Variants in KIAA1614 observed in about 807,000 individuals in gnomAD.
KIAA1614 encodes the protein KIAA1614.
A neutral mutation model predicts 88.7 loss-of-function variants in KIAA1614; 76 were observed. That is an observed-to-expected ratio of 0.86 (90% confidence interval 0.71 to 1.04). KIAA1614 has a LOEUF of 1.04. KIAA1614 is among the 50% of genes least tolerant of loss of function. The pLI is 0.00. For synonymous variants in KIAA1614, 714 were observed against 675.5 expected, an observed-to-expected ratio of 1.06 and a Z score of -0.88; for missense variants, 1,553 against 1,582.5, an observed-to-expected ratio of 0.98 and a Z score of 0.32.
chr1:180,950,524 C>T lies in KIAA1614; in HGVS notation c.*4936C>T. ...TCCGTGTCCTGAGGCAGAGACCTGT[C>T]CCACGGTGACCCAGAAGTGCCGCTG... On this transcript the variant is annotated 3_prime_UTR_variant, in exon 9 of 9. Coordinates refer to ENST00000367588, the MANE Select transcript of KIAA1614 (RefSeq NM_020950.2). 2 of 1,106,614 alleles carry T rather than the reference C, an allele frequency of 1.8e-6. No homozygotes were observed. Among genetic ancestry groups the T allele is most frequent in the Non-Finnish European group, 2.2e-6 (2 of 896,284 alleles). 68.5% of individuals were successfully genotyped at this position (1,106,614 alleles called of 1,614,324 possible).
At chr1:180,931,554 C>T (rs564401704) in intron 4 of KIAA1614, among the ~76,000 whole-genome samples, 53 of 152,380 alleles carry the variant, frequency 3.5e-4, no homozygotes, top group African/African-American at 1.2e-3. Context: ...CCAAAATCTT[C>T]ATCCTGCCTT....
At position 180,928,402 on chromosome 1, in the gene KIAA1614, C is replaced by G. The variant is rs746401824; in HGVS notation, c.1062-28C>G. 3 of 1,515,072 alleles carry G rather than the reference C, an allele frequency of 2.0e-6. No homozygotes were observed. In the East Asian group the frequency reaches 7.6e-5, roughly 38 times the overall value. The allele number at this position is 1,515,072 out of a possible 1,614,324, so 93.9% of individuals were successfully genotyped here. The stretch of plus-strand genomic sequence containing the variant: ...TTATTTTCCTCTAATCCCTCCCCCA[C>G]CACCCTGGCCTGTGTGCCACGCTGC... On this transcript the variant is annotated intron_variant, in intron 3 of 8. Transcript: ENST00000367588.
At position 180,941,435 on chromosome 1, in the gene KIAA1614, A is replaced by G. The variant is rs951717526; in HGVS notation, c.3159+150A>G. ...GAAGCTGCTGGCATCCCCATGGTTG[A>G]CCCATGAGACTTGGGTTCCCCTAGA... On this transcript the variant is annotated intron_variant, in intron 7 of 8. Transcript: ENST00000367588. 7 of 979,088 alleles carry G rather than the reference A, an allele frequency of 7.1e-6. No homozygotes were observed. The South Asian group carries it at 8.6e-5, about 12-fold the overall frequency. 60.7% of individuals were successfully genotyped at this position (979,088 alleles called of 1,614,324 possible).
intron 5 of KIAA1614, among the ~76,000 whole-genome samples, 181 bp from the exon 6 acceptor site, chr1:180,938,374 G>A (rs1654378053): frequency 6.6e-6 from 1 of 152,152 alleles, no homozygotes; most frequent in African/African-American, 2.4e-5. Context: ...CCTCAGCCCT[G>A]GTCATCTAAG....
chr1:180,935,854 C>G lies in KIAA1614; in HGVS notation c.1945C>G (p.Leu649Val). 6.2e-7 allele frequency: 1 copy of G among 1,613,728 alleles called. No homozygotes were observed. Among genetic ancestry groups the G allele is most frequent in the Non-Finnish European group, 8.5e-7 (1 of 1,179,900 alleles). ...CCAAGGCAGCAGCCCGCGACTGCGA[C>G]TGCGGGGCTCCAGGCCTCGAGGCCA... ...RTQGSSPRLR[L>V]RGSRPRGHRW... The change falls in exon 5 of 9, where the codon CTG becomes GTG. Residue 649 changes from leucine (L) to valine (V), a missense_variant. Coordinates refer to ENST00000367588, the MANE Select transcript of KIAA1614 (RefSeq NM_020950.2). This position sits in a 1 kb window ranked among gnomAD's most constrained non-coding sequence, Gnocchi z 6.1.
chr1:180,916,371 T>A lies in KIAA1614; in HGVS notation c.268T>A (p.Leu90Met). 6.2e-7 allele frequency: 1 copy of A among 1,614,064 alleles called. No homozygotes were observed. ...PSVLESKVRA[L>M]KEKMTVAKQG... ...TGTGCTGGAATCCAAGGTGAGGGCT[T>A]TGAAGGAGAAGATGACAGTGGCCAA... The change falls in exon 2 of 9, where the codon TTG becomes ATG. Residue 90 changes from leucine (L) to methionine (M), a missense_variant. Coordinates refer to ENST00000367588, the MANE Select transcript of KIAA1614 (RefSeq NM_020950.2).
At chr1:180,924,804 A>C (rs1654031458) in intron 3 of KIAA1614, among the ~76,000 whole-genome samples, 1 of 151,874 alleles carries the variant, frequency 6.6e-6, no homozygotes, top group Non-Finnish European at 1.5e-5. Context: ...ATCACAGGTG[A>C]CTTTAGTACA....
intron 1 of KIAA1614, among the ~76,000 whole-genome samples, chr1:180,915,593 G>A (rs1378475752): frequency 6.6e-6 from 1 of 152,176 alleles, no homozygotes; most frequent in Non-Finnish European, 1.5e-5. Context: ...TAACTTATTT[G>A]CACTCTTCAA....
intron 3 of KIAA1614, among the ~76,000 whole-genome samples, chr1:180,926,015 A>C (rs955737765): frequency 3.3e-5 from 5 of 152,192 alleles, no homozygotes; most frequent in African/African-American, 1.2e-4. Flanking sequence ...CCCAGGGAGG[A>C]AAAGCACTCA....
At chr1:180,933,121 G>T (rs1206236479) in intron 4 of KIAA1614, among the ~76,000 whole-genome samples, 1 of 152,196 alleles carries the variant, frequency 6.6e-6, no homozygotes, top group Non-Finnish European at 1.5e-5. Context: ...GTAGGAGCAG[G>T]TGTGGAGCCC....
rs1571302887 is a variant in KIAA1614 at position 180,944,268 on chromosome 1, A to G, written c.3160-121A>G. 9 of 973,356 alleles carry G rather than the reference A, an allele frequency of 9.2e-6. No individual in the cohort carries two copies. The South Asian group carries it at 9.3e-5, about 10-fold the overall frequency. The allele number at this position is 973,356 out of a possible 1,614,324, so 60.3% of individuals were successfully genotyped here. A position where few individuals can be genotyped will look rare whatever the true frequency, so the allele number is the denominator to read the frequency against. ...GGTTCCTGTTGAATTCTTGGAAGCA[A>G]TGATAAAAGCTTGTGCTGTCACTTT... On this transcript the variant is annotated intron_variant, in intron 7 of 8. Transcript: ENST00000367588.
rs147681091 is a variant in KIAA1614, at chr1:180,928,547, C to T, written c.1179C>T (p.Ile393=). 6.3e-5 allele frequency: 101 copies of T among 1,612,666 alleles called. No homozygotes were observed. The highest frequency in any genetic ancestry group is 7.3e-5 in the Non-Finnish European group (86 of 1,179,838). ...RTRPLRASHD[I]VPTITQGSRD... Reference sequence around the variant, plus strand: ...GGCCCCTCCGTGCCAGCCATGACATCGTGCCCACCATTACCCAGGGCAGCC... The same window carrying T: ...GGCCCCTCCGTGCCAGCCATGACATTGTGCCCACCATTACCCAGGGCAGCC... Residue 393 remains isoleucine (I), a synonymous_variant, in exon 4 of 9, where the codon ATC becomes ATT. Coordinates refer to ENST00000367588, the MANE Select transcript of KIAA1614 (RefSeq NM_020950.2).
intron 7 of KIAA1614, among the ~76,000 whole-genome samples, chr1:180,942,399 C>T (rs1252589703): frequency 1.3e-5 from 2 of 152,190 alleles, no homozygotes; most frequent in East Asian, 1.9e-4. Flanking sequence ...ATTCCCTCCC[C>T]GCTCTCCTAG....
chr1:180,922,733 C>T (rs1156707487), intron 3 of KIAA1614, among the ~76,000 whole-genome samples: 2 of 152,220 alleles, frequency 1.3e-5, no homozygotes, highest in African/African-American at 2.4e-5. Context: ...GCCACCAGAG[C>T]GTGTGCAGAT....
chr1:180,936,819 C>A, intron 5 of KIAA1614, 149 bp downstream of exon 5: 1 of 580,192 alleles, frequency 1.7e-6, no homozygotes, highest in Non-Finnish European at 2.9e-6. Context: ...ACCTCGGCAG[C>A]TCCTTGGAGC....
intron 3 of KIAA1614, among the ~76,000 whole-genome samples, chr1:180,919,174 C>G (rs1375192203): frequency 3.9e-5 from 6 of 152,204 alleles, no homozygotes; most frequent in African/African-American, 7.2e-5. Context: ...AGTCCTCCAC[C>G]CCCGCACCTG....
At chr1:180,945,217 A>T (rs1292938733) in intron 8 of KIAA1614, 86 bp from the exon 9 acceptor site, 1 of 1,411,074 alleles carries the variant, frequency 7.1e-7, no homozygotes, top group Non-Finnish European at 9.4e-7. Flanking sequence ...TAAGTCTGTG[A>T]GGCATCGGTC....
intron 3 of KIAA1614, among the ~76,000 whole-genome samples, chr1:180,921,453 G>C (rs1014617488): frequency 6.6e-6 from 1 of 152,202 alleles, no homozygotes; most frequent in African/African-American, 2.4e-5. Context: ...AGACCTCTGT[G>C]GCGGGGGGAG....
chr1:180,944,468 C>G lies in KIAA1614; in HGVS notation c.3239C>G (p.Ser1080Cys), dbSNP rs1654540615. The change falls in exon 8 of 9, where the codon TCC (serine) becomes TGC (cysteine). Residue 1080 changes from serine to cysteine, a missense_variant. Coordinates refer to ENST00000367588, the MANE Select transcript of KIAA1614 (RefSeq NM_020950.2). Reference protein sequence around the residue: ...HSLLSSKGNRSSLYLVAGPGD... With the variant: ...HSLLSSKGNRCSLYLVAGPGD... ...CTGCTGAGCAGCAAGGGGAACCGGT[C>G]CAGCCTCTACCTGGTAGCAGGGCCA... 3 of 1,613,852 alleles carry G rather than the reference C, an allele frequency of 1.9e-6. No homozygotes were observed. Among genetic ancestry groups the G allele is most frequent in the South Asian group, 2.2e-5 (2 of 91,038 alleles).
Sources: allele counts gnomAD v4.1 joint callset (sites outside exome capture counted in the v4.1 genomes callset), GRCh38; gene constraint gnomAD v4.1.1; non-coding constraint Gnocchi (gnomAD v3.1); transcripts MANE v1.5; gene names NCBI Gene and HGNC (gene_info 2026-07-23, HGNC 2026-07-21).